The following PCDH15 variants were observed in gnomAD, a reference collection of about 807,000 sequenced individuals.
The protein encoded by PCDH15 is protocadherin-15.
PCDH15 carries 129 observed loss-of-function variants against 178.5 expected under a neutral mutation model. That is an observed-to-expected ratio of 0.72 (90% CI 0.63 to 0.84). The LOEUF is 0.84. Among genes scored for constraint, PCDH15 ranks in the 40% least tolerant of loss-of-function variants. PCDH15 has a pLI of 0.00. For missense variants in PCDH15, 2,230 were observed against 2,099.9 expected (o/e 1.06, Z -1.21); for synonymous variants, 800 against 732.0 (o/e 1.09, Z -1.50).
intron 5 of PCDH15, among the ~76,000 whole-genome samples, chr10:54,355,873 T>C (rs761779108): frequency 2.6e-5 from 4 of 152,100 alleles, no homozygotes; most frequent in Non-Finnish European, 5.9e-5. Context: ...GCCTAAACCA[T>C]TGAAAAGCAT....
At chr10:55,195,456 GATGGTGAAACCCT>G (rs1276993530) in intron 1 of PCDH15, among the ~76,000 whole-genome samples, 1 of 138,218 alleles carries the variant, frequency 7.2e-6, no homozygotes, top group African/African-American at 2.8e-5. Context: ...GCCTGGCCAA[GATGGTGAAACCCT>G]ATTTCTACTA....
intron 1 of PCDH15, among the ~76,000 whole-genome samples, chr10:55,206,399 G>A (rs748855241): frequency 3.9e-5 from 6 of 152,074 alleles, no homozygotes; most frequent in Non-Finnish European, 8.8e-5. Flanking sequence ...CAGGTATGGT[G>A]CACTCCACAG....
chr10:55,535,381 C>T (rs919172407), intron 2 of PCDH15, among the ~76,000 whole-genome samples: 2 of 151,928 alleles, frequency 1.3e-5, no homozygotes, highest in Non-Finnish European at 2.9e-5. Context: ...GAATAAGCCT[C>T]TACTAGGGCA....
chr10:55,059,440 A>G (rs1841378988), intron 2 of PCDH15, among the ~76,000 whole-genome samples: 1 of 152,198 alleles, frequency 6.6e-6, no homozygotes, highest in South Asian at 2.1e-4. Flanking sequence ...ACAACTCAAT[A>G]TATGCCATTA....
At chr10:54,751,251 T>C (rs1946188227) in intron 1 of PCDH15, among the ~76,000 whole-genome samples, 1 of 152,132 alleles carries the variant, frequency 6.6e-6, no homozygotes, top group South Asian at 2.1e-4. Flanking sequence ...GTTGAAGAAT[T>C]AAAACTGAGA....
At chr10:55,304,523 A>C (rs943153252) in intron 1 of PCDH15, among the ~76,000 whole-genome samples, 9 of 152,214 alleles carry the variant, frequency 5.9e-5, no homozygotes, top group Admixed American at 2.6e-4. Flanking sequence ...AGTGGGTGAA[A>C]TAAGGAAAAG....
chr10:54,749,826 G>T (rs1945962750), intron 1 of PCDH15, among the ~76,000 whole-genome samples: 1 of 152,038 alleles, frequency 6.6e-6, no homozygotes, highest in Non-Finnish European at 1.5e-5. Context: ...TTGTTTTCTT[G>T]AGCAATTGTT....
chr10:54,175,301 C>T (rs975747539), intron 13 of PCDH15, among the ~76,000 whole-genome samples: 1 of 152,028 alleles, frequency 6.6e-6, no homozygotes, highest in Non-Finnish European at 1.5e-5. Context: ...CATTAAAATA[C>T]GATGTAGTTT....
At position 55,299,246 on chromosome 10, in the gene PCDH15, A is replaced by G. The variant is rs140950786; in HGVS notation, c.-156+20353T>C. ...CTCAACTCTTGGACAGATAGAAATA[A>G]GATGTAACCCATCAATTCTCATGGA... On this transcript the variant is annotated intron_variant, in intron 1 of 5. Transcript: ENST00000458638. Among the ~76,000 whole-genome samples, 7 of 152,300 alleles carry G rather than the reference A, an allele frequency of 4.6e-5. No homozygotes were observed. In the East Asian group the frequency reaches 1.4e-3, roughly 29 times the overall value.
At chr10:54,487,965 A>C (rs1370054406) in intron 3 of PCDH15, among the ~76,000 whole-genome samples, 3 of 151,984 alleles carry the variant, frequency 2.0e-5, no homozygotes, top group Non-Finnish European at 4.4e-5. Flanking sequence ...ACGTGATCAA[A>C]GTGAAGCTTT....
intron 1 of PCDH15, among the ~76,000 whole-genome samples, chr10:55,248,183 C>G (rs950043788): frequency 5.3e-5 from 8 of 151,196 alleles, no homozygotes. Flanking sequence ...ACTGTATCTG[C>G]TCAAATACAT....
rs1033688797 is a variant in PCDH15 at position 53,916,268 on chromosome 10, T to C, written c.3374-12898A>G. Among the ~76,000 whole-genome samples the C allele has an allele frequency of 2.6e-5, 4 of 152,212 alleles. No individual in the cohort carries two copies. The South Asian group carries it at 6.2e-4, about 24-fold the overall frequency. On this transcript the variant is annotated intron_variant, in intron 25 of 37. Coordinates refer to ENST00000644397, the MANE Select transcript of PCDH15 (RefSeq NM_001384140.1). The stretch of plus-strand genomic sequence containing the variant: ...TGGATACAGAATGCCAACTGTATAG[T>C]CATGAGGAAATAATCAGGAAAAAAC...
chr10:54,060,122 T>C (rs1490935361), intron 18 of PCDH15, among the ~76,000 whole-genome samples: 1 of 152,224 alleles, frequency 6.6e-6, no homozygotes, highest in East Asian at 1.9e-4. Flanking sequence ...ACTATATGCA[T>C]ATATATGTTC....
chr10:54,360,127 C>T (rs192480003), intron 5 of PCDH15, among the ~76,000 whole-genome samples: 1 of 152,108 alleles, frequency 6.6e-6, no homozygotes, highest in Non-Finnish European at 1.5e-5. Context: ...TCCCAGGAAA[C>T]CAACCATTAG....
chr10:53,912,510 G>C (rs1054975033), intron 25 of PCDH15, among the ~76,000 whole-genome samples: 1 of 152,166 alleles, frequency 6.6e-6, no homozygotes, highest in East Asian at 1.9e-4. Flanking sequence ...AATTGTCCCT[G>C]TTTGCAGATG....
At chr10:54,189,307 A>C (rs2048753673) in intron 11 of PCDH15, 15 of 1,455,326 alleles carry the variant, frequency 1.0e-5, no homozygotes, top group Middle Eastern at 1.7e-4. Context: ...AAGAACAAGG[A>C]AATAAACCAC....
chr10:54,093,217 C>G (rs1204954950), intron 15 of PCDH15, among the ~76,000 whole-genome samples: 2 of 152,076 alleles, frequency 1.3e-5, no homozygotes, highest in African/African-American at 4.8e-5. Context: ...CTACTTCATT[C>G]TTATGTGAGG....
intron 28 of PCDH15, among the ~76,000 whole-genome samples, chr10:53,842,499 G>A (rs941317304): frequency 2.0e-5 from 3 of 151,936 alleles, no homozygotes; most frequent in East Asian, 1.9e-4. Context: ...CGCCCGCCTC[G>A]GCCTTTCAAA....
chr10:54,026,615 T>C (rs2093103507), intron 18 of PCDH15, among the ~76,000 whole-genome samples: 1 of 152,154 alleles, frequency 6.6e-6, no homozygotes, highest in Non-Finnish European at 1.5e-5. Flanking sequence ...GACTACAATA[T>C]CTTTGGCTCT....
Sources: gnomAD v4.1 joint callset for allele counts (sites outside exome capture counted in the v4.1 genomes callset) on GRCh38, gnomAD v4.1.1 for gene constraint, MANE v1.5 for transcripts, NCBI Gene and HGNC (gene_info 2026-07-23, HGNC 2026-07-21) for gene names.